VCAN: variants seen among roughly 807,000 people sequenced by gnomAD.
VCAN encodes versican core protein.
A neutral mutation model predicts 245.5 loss-of-function variants in VCAN; 44 were observed. That is an observed-to-expected ratio of 0.18 (90% CI 0.14 to 0.23). The LOEUF (loss-of-function observed/expected upper bound fraction) is 0.23. VCAN is among the 10% of genes least tolerant of loss of function. VCAN has a pLI of 1.00. For synonymous variants in VCAN, 1,413 were observed against 1,437.0 expected (o/e 0.98, Z 0.38); for missense variants, 3,793 against 4,057.9 (o/e 0.93, Z 1.77).
chr5:83,525,579 A>G (rs1386172330), intron 7 of VCAN, among the ~76,000 whole-genome samples: 1 of 152,214 alleles, frequency 6.6e-6, no homozygotes, highest in African/African-American at 2.4e-5. Flanking sequence ...ACCTTAAAAT[A>G]GGCAGCTTAT....
At chr5:83,575,097 G>T (rs1317078690) in intron 13 of VCAN, among the ~76,000 whole-genome samples, 2 of 152,064 alleles carry the variant, frequency 1.3e-5, no homozygotes, top group African/African-American at 2.4e-5. Context: ...TGATTAATTT[G>T]TCTTTGAATA....
intron 7 of VCAN, 78 bp from the exon 8 acceptor site, chr5:83,536,929 C>T: frequency 7.8e-7 from 1 of 1,276,866 alleles, no homozygotes; most frequent in Non-Finnish European, 1.1e-6. Flanking sequence ...TGGGTGTGAC[C>T]AGCCTTGCTA....
At chr5:83,577,534 C>G (rs1010030336) in intron 13 of VCAN, among the ~76,000 whole-genome samples, 1 of 152,162 alleles carries the variant, frequency 6.6e-6, no homozygotes, top group Non-Finnish European at 1.5e-5. Context: ...TGTGGTGTGT[C>G]TTCCCAGGTA....
rs1304269987 is a variant in VCAN, at chr5:83,519,580, C to T, written c.1274C>T (p.Thr425Ile). The T allele has an allele frequency of 6.2e-7, 1 of 1,614,012 alleles. No individual in the cohort carries two copies. The highest frequency in any genetic ancestry group is 1.3e-5 in the African/African-American group (1 of 74,932). ...GATAGTTTAGCCACCAAATTACCCA[C>T]ACCTACTGGCAGTACCAAGAAGCCC... The part of the protein sequence containing the change: ...ITDSLATKLP[T>I]PTGSTKKPWD... Residue 425 changes from threonine (T) to isoleucine (I), a missense_variant, in exon 7 of 15, where the codon ACA becomes ATA. Coordinates refer to ENST00000265077, the MANE Select transcript of VCAN (RefSeq NM_004385.5).
chr5:83,537,851 A>G lies in VCAN; in HGVS notation c.4848A>G (p.Lys1616=). The G allele has an allele frequency of 6.2e-7, 1 of 1,614,010 alleles. No homozygotes were observed. The highest frequency in any genetic ancestry group is 8.5e-7 in the Non-Finnish European group (1 of 1,179,950). Residue 1616 remains lysine (K), a synonymous_variant, in exon 8 of 15, where the codon AAA becomes AAG. Coordinates refer to ENST00000265077, the MANE Select transcript of VCAN (RefSeq NM_004385.5). ...GGCCAGATGACCTGTTGTCTACCAAAGAAAGCTGGGTAGAAGCAACTCCTA... is the reference window on the plus strand; with the variant it reads ...GGCCAGATGACCTGTTGTCTACCAAGGAAAGCTGGGTAGAAGCAACTCCTA... The part of the protein sequence containing the change: ...NPWPDDLLST[K]ESWVEATPRQ...
chr5:83,551,151 C>A (rs1235283870), intron 10 of VCAN, among the ~76,000 whole-genome samples: 1 of 151,948 alleles, frequency 6.6e-6, no homozygotes, highest in Non-Finnish European at 1.5e-5. Flanking sequence ...GGTCACATAT[C>A]TAAATTTTGT....
At chr5:83,488,767 A>G (rs71638251) in intron 2 of VCAN, among the ~76,000 whole-genome samples, 3 of 152,232 alleles carry the variant, frequency 2.0e-5, no homozygotes, top group African/African-American at 7.2e-5. Flanking sequence ...CAAATGCATA[A>G]CAGCAATGGT....
intron 12 of VCAN, among the ~76,000 whole-genome samples, chr5:83,558,462 C>A (rs1747753366): frequency 6.6e-6 from 1 of 152,072 alleles, no homozygotes; most frequent in African/African-American, 2.4e-5. Context: ...TAGAGCTTCT[C>A]CGTCTTGGGT....
In VCAN at chr5:83,538,792, T is replaced by C. The variant is rs62364882; in HGVS notation, c.5789T>C (p.Leu1930Ser). The C allele has an allele frequency of 6.2e-7, 1 of 1,613,944 alleles. No homozygotes were observed. The highest frequency in any genetic ancestry group is 8.5e-7 in the Non-Finnish European group (1 of 1,179,958). ...AGGGGCTTTTCCACAGGTTTTCCTT[T>C]GGAGGAAGATTTCAGTGGTGACTTT... Reference protein sequence around the residue: ...EIRGFSTGFPLEEDFSGDFRE... With the variant: ...EIRGFSTGFPSEEDFSGDFRE... The change falls in exon 8 of 15, where the codon TTG (leucine) becomes TCG (serine). Residue 1930 changes from leucine (L) to serine (S), a missense_variant. By Grantham distance (145) the Leu-to-Ser change is moderately radical (BLOSUM62 -2). Around this residue, in one of 5 missense-constraint regions of VCAN, gnomAD observed 3,182 missense variants for 3,250.3 expected, o/e 0.98. Coordinates refer to ENST00000265077, the MANE Select transcript of VCAN (RefSeq NM_004385.5).
chr5:83,568,351 A>T (rs565359310), intron 12 of VCAN, among the ~76,000 whole-genome samples: 2 of 152,184 alleles, frequency 1.3e-5, no homozygotes, highest in Non-Finnish European at 2.9e-5. Flanking sequence ...GGTATCAGAC[A>T]TTCTTGTAAA....
chr5:83,566,776 G>T (rs1468953922), intron 12 of VCAN, among the ~76,000 whole-genome samples: 1 of 152,212 alleles, frequency 6.6e-6, no homozygotes, highest in African/African-American at 2.4e-5. Context: ...CAGAAGACCT[G>T]CAGGATGAGT....
chr5:83,475,149 A>G (rs930193603), intron 1 of VCAN, among the ~76,000 whole-genome samples: 4 of 152,154 alleles, frequency 2.6e-5, no homozygotes, highest in African/African-American at 9.7e-5. Flanking sequence ...GCAAACATGG[A>G]AGGGCTGCGA....
At chr5:83,559,547 C>T (rs562879709) in intron 12 of VCAN, among the ~76,000 whole-genome samples, 3 of 152,232 alleles carry the variant, frequency 2.0e-5, no homozygotes, top group Admixed American at 6.6e-5. Context: ...CATATTCTCA[C>T]GTCTTATCCT....
In VCAN at chr5:83,521,397, A is replaced by G. The variant is rs768477797; in HGVS notation, c.3091A>G (p.Thr1031Ala). ...AACAACAAAAATCACAGAGGGAACA[A>G]CTCAGGAAGAATTCCCTTGGAAAGA... is the stretch of plus-strand genomic sequence containing the variant. Reference protein sequence around the residue: ...MRTTKITEGTTQEEFPWKEQT... With the variant: ...MRTTKITEGTAQEEFPWKEQT... Residue 1031 changes from threonine (T) to alanine (A), a missense_variant, in exon 7 of 15, where the codon ACT becomes GCT. Physicochemically the swap from Thr to Ala is moderately conservative, Grantham distance 58. This residue lies in a region of VCAN where 3,182 missense variants were observed against 3,250.3 expected (regional missense o/e 0.98). Transcript: ENST00000265077. The G allele has an allele frequency of 6.2e-7, 1 of 1,614,118 alleles. No homozygotes were observed. Among genetic ancestry groups the G allele is most frequent in the Admixed American group, 1.7e-5 (1 of 60,008 alleles).
intron 5 of VCAN, among the ~76,000 whole-genome samples, chr5:83,499,832 C>A (rs960553234): frequency 6.6e-6 from 1 of 152,098 alleles, no homozygotes; most frequent in Non-Finnish European, 1.5e-5. Context: ...TGTGACTTAT[C>A]TAATGCCTCC....
chr5:83,512,874 T>C (rs1745710872), intron 6 of VCAN: 1 of 155,074 alleles, frequency 6.4e-6, no homozygotes, highest in Admixed American at 6.3e-5. Context: ...ACTCAAAATG[T>C]TCAAGTCATA....
rs1293188372 is a variant in VCAN, at chr5:83,542,070, G to T, written c.9067G>T (p.Asp3023Tyr). The T allele has an allele frequency of 1.2e-6, 2 of 1,613,524 alleles. No homozygotes were observed. Among genetic ancestry groups the T allele is most frequent in the South Asian group, 1.1e-5 (1 of 91,074 alleles). ...TCAAGCAGCTTTAATCAGAGGGCAGGATTCCACGATAGCAGCATCAGAACA... is the reference window on the plus strand; with the variant it reads ...TCAAGCAGCTTTAATCAGAGGGCAGTATTCCACGATAGCAGCATCAGAACA... ...ETQAALIRGQDSTIAASEQQV... is the reference protein window; with the variant it reads ...ETQAALIRGQYSTIAASEQQV... The change falls in exon 8 of 15, where the codon GAT becomes TAT. Residue 3023 changes from aspartate (D) to tyrosine (Y), a missense_variant. Transcript: ENST00000265077.
chr5:83,493,983 A>G (rs774752373), intron 5 of VCAN, 52 bp downstream of exon 5: 1 of 1,612,784 alleles, frequency 6.2e-7, no homozygotes, highest in Non-Finnish European at 8.5e-7. Flanking sequence ...AACTGAGGGA[A>G]GACCAGAAGT....
At chr5:83,574,264 C>T (rs992734284) in intron 13 of VCAN, among the ~76,000 whole-genome samples, 3 of 152,148 alleles carry the variant, frequency 2.0e-5, no homozygotes, top group Non-Finnish European at 4.4e-5. Context: ...TAGAAACACT[C>T]TGAGACGTGC....
Sources: gnomAD v4.1 joint callset for allele counts (sites outside exome capture counted in the v4.1 genomes callset) on GRCh38, gnomAD v4.1.1 for gene constraint, gnomAD v4.1.1 regional missense constraint, MANE v1.5 for transcripts, NCBI Gene and HGNC (gene_info 2026-07-23, HGNC 2026-07-21) for gene names.